The following NLE1 variants were observed in gnomAD, a reference collection of about 807,000 sequenced individuals.
NLE1 encodes the protein notchless protein homolog 1.
In NLE1, 37 loss-of-function variants were observed where a neutral mutation model predicts 62.8. That is an observed-to-expected ratio of 0.59 (90% CI 0.45 to 0.78). The LOEUF (loss-of-function observed/expected upper bound fraction) is 0.78. Among genes scored for constraint, NLE1 ranks in the 30% least tolerant of loss-of-function variants. The probability of loss-of-function intolerance (pLI) is 0.00; values close to 1 mark genes in which losing one functional copy is unlikely to be tolerated. For missense variants in NLE1, 555 were observed against 637.9 expected (o/e 0.87, Z 1.40); for synonymous variants, 243 against 253.0 (o/e 0.96, Z 0.37).
chr17:35,139,767 T>C (rs1350207090), intron 3 of NLE1, 82 bp downstream of exon 3: 1 of 1,556,098 alleles, frequency 6.4e-7, no homozygotes, highest in Non-Finnish European at 8.6e-7. Flanking sequence ...CCCCATCAAT[T>C]ATAACTCTGG....
intron 11 of NLE1, 22 bp downstream of exon 11, chr17:35,133,317 T>G (rs1307934473): frequency 6.2e-7 from 1 of 1,614,176 alleles, no homozygotes. Context: ...CAGTCCCTCC[T>G]TTGCCTGAGG....
intron 10 of NLE1, chr17:35,134,851 A>G: frequency 5.6e-6 from 2 of 357,276 alleles, no homozygotes; most frequent in Non-Finnish European, 1.1e-5. Flanking sequence ...CAGGAGTTCA[A>G]GACCAGCCTA....
Position 35,130,396 on chromosome 17 carries a change from C to T in NLE1, c.*2041G>A, listed in dbSNP as rs199634203. 93 of 1,613,922 alleles carry T rather than the reference C, an allele frequency of 5.8e-5. No homozygotes were observed. The highest frequency in any genetic ancestry group is 1.5e-4 in the African/African-American group (11 of 74,892). ...CGTGTCCATCGGGCCGGAGGAGATG[C>T]GGAGGCTGGAGGATCTGGAATACCT... On this transcript the variant is annotated 3_prime_UTR_variant, in exon 13 of 13. Coordinates refer to ENST00000442241, the MANE Select transcript of NLE1 (RefSeq NM_018096.5).
intron 3 of NLE1, 32 bp downstream of exon 3, chr17:35,139,817 T>G: frequency 6.2e-7 from 1 of 1,602,432 alleles, no homozygotes; most frequent in Non-Finnish European, 8.5e-7. Flanking sequence ...CACCCCCACA[T>G]ACCCCCTCCA....
At chr17:35,135,724 A>G (rs1275776476) in intron 9 of NLE1, among the ~76,000 whole-genome samples, 1 of 152,242 alleles carries the variant, frequency 6.6e-6, no homozygotes, top group Non-Finnish European at 1.5e-5. Context: ...GTGTTAAAAG[A>G]AGGATTTTAT....
chr17:35,141,845 G>C lies in NLE1; in HGVS notation c.162+134C>G, dbSNP rs557591322. The C allele has an allele frequency of 1.8e-4, 178 of 975,594 alleles. No individual in the cohort carries two copies. In the Admixed American group the frequency reaches 2.2e-3, roughly 12 times the overall value. 60.4% of individuals were successfully genotyped at this position (975,594 alleles called of 1,614,324 possible). ...GCCACTGATTCCATCTCTGACATAG[G>C]TGGGAGCTCACGCCAGGTGGGTCAC... On this transcript the variant is annotated intron_variant, in intron 2 of 12. Coordinates refer to ENST00000442241, the MANE Select transcript of NLE1 (RefSeq NM_018096.5).
rs1357851796 is a variant in NLE1 at position 35,129,250 on chromosome 17, G to C, written c.*3187C>G. 17 of 793,058 alleles carry C rather than the reference G, an allele frequency of 2.1e-5. No homozygotes were observed. The highest frequency in any genetic ancestry group is 3.3e-5 in the Non-Finnish European group (16 of 491,230). 49.1% of individuals were successfully genotyped at this position (793,058 alleles called of 1,614,324 possible). ...CCCAGGAGAGTAGTACATGCTTCGG[G>C]GCAGGGGTTCCACACTCAGTGCTGC... is the stretch of plus-strand genomic sequence containing the variant. On this transcript the variant is annotated 3_prime_UTR_variant, in exon 13 of 13. Transcript: ENST00000442241.
Position 35,130,600 on chromosome 17 carries a change from C to A in NLE1, c.*1837G>T, listed in dbSNP as rs928951574. 7.3e-6 allele frequency: 5 copies of A among 686,934 alleles called. No individual in the cohort carries two copies. The highest frequency in any genetic ancestry group is 9.5e-6 in the Non-Finnish European group (4 of 420,086). 42.6% of individuals were successfully genotyped at this position (686,934 alleles called of 1,614,324 possible). A position where few individuals can be genotyped will look rare whatever the true frequency, so the allele number is the denominator to read the frequency against. On this transcript the variant is annotated 3_prime_UTR_variant, in exon 13 of 13. Transcript: ENST00000442241. ...GGCTGGGGCCAAGGCTACATAGGGG[C>A]CCCATTCACCTGGAGGCATCTCAGG...
At chr17:35,135,935 A>C (rs965168016) in intron 9 of NLE1, among the ~76,000 whole-genome samples, 2 of 152,242 alleles carry the variant, frequency 1.3e-5, no homozygotes, top group African/African-American at 2.4e-5. Context: ...AGTAAAAAAG[A>C]AGCATGTTGG....
chr17:35,132,493 GA>G, intron 12 of NLE1, 44 bp from the exon 13 acceptor site: 1 of 1,338,548 alleles, frequency 7.5e-7, no homozygotes, highest in Non-Finnish European at 9.7e-7. Flanking sequence ...TCCACCTTAG[GA>G]AAGGGAGGCC....
intron 10 of NLE1, 37 bp downstream of exon 10, chr17:35,135,212 C>A (rs2091900969): frequency 1.3e-6 from 2 of 1,593,342 alleles, no homozygotes; most frequent in African/African-American, 2.7e-5. Flanking sequence ...TCCCACCATT[C>A]ACTCCTTACA....
Position 35,132,446 on chromosome 17 carries a change from C to G in NLE1, c.1449G>C (p.Trp483Cys). The G allele has an allele frequency of 1.4e-6, 2 of 1,415,606 alleles. No homozygotes were observed. The highest frequency in any genetic ancestry group is 1.9e-6 in the Non-Finnish European group (2 of 1,081,002). The allele number at this position is 1,415,606 out of a possible 1,614,324, so 87.7% of individuals were successfully genotyped here. Residue 483 changes from tryptophan (W) to cysteine (C), a missense_variant, in exon 13 of 13, where the codon TGG (tryptophan) becomes TGC (cysteine). Physicochemically the swap from Trp to Cys is radical, Grantham distance 215. Transcript: ENST00000442241. ...AGAACTTCGGGCCGTCTCATCTCCT[C>G]CATCTGTGGAGAAGGGAAGGGTGTC... is the stretch of plus-strand genomic sequence containing the variant. The part of the protein sequence containing the change: ...SGGKDKCLRI[W>C]RR
chr17:35,136,306 T>A (rs2091908324), intron 8 of NLE1, 56 bp downstream of exon 8: 1 of 1,609,298 alleles, frequency 6.2e-7, no homozygotes, highest in African/African-American at 1.3e-5. Flanking sequence ...CCCATTAAGC[T>A]TGAGAACTGG....
chr17:35,140,069 G>A lies in NLE1; in HGVS notation c.163-3C>T, dbSNP rs1356832574. 6.2e-7 allele frequency: 1 copy of A among 1,612,456 alleles called. No individual in the cohort carries two copies. Among genetic ancestry groups the A allele is most frequent in the African/African-American group, 1.3e-5 (1 of 74,886 alleles). On this transcript the variant is annotated splice_region_variant and splice_polypyrimidine_tract_variant and intron_variant, in intron 2 of 12. Transcript: ENST00000442241. ...AAAGCCAGTGGCAGGGGATCCTCCT[G>A]AAGGACAATGGTAAAGGACAAACCC...
chr17:35,132,217 T>G lies in NLE1; in HGVS notation c.*220A>C, dbSNP rs982807397. On this transcript the variant is annotated 3_prime_UTR_variant, in exon 13 of 13. Transcript: ENST00000442241. Reference sequence around the variant, plus strand: ...GACACGGGCCAAGTTCAGTGACAACTTCCTGTGACCTTCGATTTCTGGCTC... The same window carrying G: ...GACACGGGCCAAGTTCAGTGACAACGTCCTGTGACCTTCGATTTCTGGCTC... The G allele has an allele frequency of 2.6e-6, 1 of 383,032 alleles. No homozygotes were observed. Among genetic ancestry groups the G allele is most frequent in the Admixed American group, 4.6e-5 (1 of 21,740 alleles). The allele number at this position is 383,032 out of a possible 1,614,324, so 23.7% of individuals were successfully genotyped here. A position where few individuals can be genotyped will look rare whatever the true frequency, so the allele number is the denominator to read the frequency against.
rs1464173560 is a variant in NLE1, at chr17:35,133,515, C to T, written c.1215-17G>A. The T allele has an allele frequency of 6.3e-6, 10 of 1,599,484 alleles. No individual in the cohort carries two copies. The highest frequency in any genetic ancestry group is 4.0e-5 in the African/African-American group (3 of 74,692). The stretch of plus-strand genomic sequence containing the variant: ...GCCAGGTACCTGGTCCAGGAGAAGA[C>T]GATGATGGATTTTAGTCTGAGTTAC... On this transcript the variant is annotated splice_polypyrimidine_tract_variant and intron_variant, in intron 10 of 12. Coordinates refer to ENST00000442241, the MANE Select transcript of NLE1 (RefSeq NM_018096.5).
rs2091860424 is a variant in NLE1, at chr17:35,128,984, C to G, written c.*3453G>C. 5.7e-6 allele frequency: 1 copy of G among 176,778 alleles called. No individual in the cohort carries two copies. Among genetic ancestry groups the G allele is most frequent in the African/African-American group, 2.4e-5 (1 of 42,458 alleles). 11.0% of individuals were successfully genotyped at this position (176,778 alleles called of 1,614,324 possible). A position where few individuals can be genotyped will look rare whatever the true frequency, so the allele number is the denominator to read the frequency against. ...ACAATTCACAATAGGGTTCACGTGC[C>G]TATGGGAATCTAATGCCTCTGCTGA... On this transcript the variant is annotated 3_prime_UTR_variant, in exon 13 of 13. Transcript: ENST00000442241.
rs2091879761 is a variant in NLE1 at position 35,132,197 on chromosome 17, G to A, written c.*240C>T. 1 of 361,048 alleles carries A rather than the reference G, an allele frequency of 2.8e-6. No individual in the cohort carries two copies. The highest frequency in any genetic ancestry group is 4.7e-5 in the Admixed American group (1 of 21,198). 22.4% of individuals were successfully genotyped at this position (361,048 alleles called of 1,614,324 possible). A position where few individuals can be genotyped will look rare whatever the true frequency, so the allele number is the denominator to read the frequency against. On this transcript the variant is annotated 3_prime_UTR_variant, in exon 13 of 13. Transcript: ENST00000442241. The stretch of plus-strand genomic sequence containing the variant: ...CAGCAAGGTACAGAGTAGCAGACAC[G>A]GGCCAAGTTCAGTGACAACTTCCTG...
In NLE1 at chr17:35,137,071, C is replaced by T. The variant is rs772515484; in HGVS notation, c.758G>A (p.Arg253Gln). The T allele has an allele frequency of 8.1e-6, 13 of 1,613,892 alleles. No homozygotes were observed. The highest frequency in any genetic ancestry group is 6.7e-5 in the Admixed American group (4 of 59,988). Residue 253 changes from arginine (R) to glutamine (Q), a missense_variant, in exon 7 of 13, where the codon CGG (arginine) becomes CAG (glutamine). Transcript: ENST00000442241. ...GTAGAGAAGCCCGTCCCCTCCCCAC[C>T]GGAGACAGGTGACCGACTGGGTGTG... ...TGHTQSVTCL[R>Q]WGGDGLLYSA...
Sources: gnomAD v4.1 joint callset for allele counts (sites outside exome capture counted in the v4.1 genomes callset) on GRCh38, gnomAD v4.1.1 for gene constraint, MANE v1.5 for transcripts, NCBI Gene and HGNC (gene_info 2026-07-23, HGNC 2026-07-21) for gene names.